Variants in SLIT3 observed in about 807,000 individuals in gnomAD.
SLIT3 encodes the protein slit homolog 3 protein.
In SLIT3, 68 loss-of-function variants were observed where a neutral mutation model predicts 184.0. That is an observed-to-expected ratio of 0.37 (90% CI 0.30 to 0.45). The LOEUF is 0.45. SLIT3 is among the 20% of genes least tolerant of loss of function. The pLI is 1.00. For synonymous variants in SLIT3, 831 were observed against 828.6 expected (o/e 1.00, Z -0.05); for missense variants, 1,707 against 2,026.0 (o/e 0.84, Z 3.02).
intron 6 of SLIT3, among the ~76,000 whole-genome samples, chr5:168,826,611 C>T (rs751263670): frequency 6.6e-6 from 1 of 152,198 alleles, no homozygotes; most frequent in Non-Finnish European, 1.5e-5. Context: ...AATCTCATTA[C>T]GTTTCCTCCT....
At chr5:168,852,022 T>G (rs575393855) in intron 5 of SLIT3, among the ~76,000 whole-genome samples, 1 of 152,200 alleles carries the variant, frequency 6.6e-6, no homozygotes, top group Non-Finnish European at 1.5e-5. Flanking sequence ...CGTTGGGAAT[T>G]AGAATTTCTT....
intron 5 of SLIT3, among the ~76,000 whole-genome samples, chr5:168,880,820 G>C (rs1020865432): frequency 1.3e-5 from 2 of 152,230 alleles, no homozygotes; most frequent in Admixed American, 1.3e-4. Flanking sequence ...GCCTAAAGCT[G>C]TCTGTTCCTT....
rs376621981 is a variant in SLIT3, at chr5:169,219,880, C to T, written c.341+24825G>A. 9.2e-5 allele frequency among the ~76,000 whole-genome samples: 14 copies of T among 152,264 alleles called. No individual in the cohort carries two copies. The South Asian group carries it at 2.7e-3, about 29-fold the overall frequency. ...GGCTTTTCCTTCATTGCTCTCAAAG[C>T]CTTTTGAGATCTCGAAAAGTCTCCA... is the stretch of plus-strand genomic sequence containing the variant. On this transcript the variant is annotated intron_variant, in intron 3 of 35. Coordinates refer to ENST00000519560, the MANE Select transcript of SLIT3 (RefSeq NM_003062.4).
chr5:168,857,245 C>T (rs1362847167), intron 5 of SLIT3, among the ~76,000 whole-genome samples: 1 of 152,156 alleles, frequency 6.6e-6, no homozygotes, highest in Non-Finnish European at 1.5e-5. Flanking sequence ...CTAATTCCTT[C>T]CCTGATTCCA....
intron 3 of SLIT3, among the ~76,000 whole-genome samples, chr5:169,204,809 A>G (rs937171843): frequency 6.6e-6 from 1 of 152,134 alleles, no homozygotes; most frequent in African/African-American, 2.4e-5. Flanking sequence ...GATGACTGAG[A>G]AGGAAAGGTG....
chr5:168,822,110 G>A (rs1315389119), intron 7 of SLIT3, among the ~76,000 whole-genome samples: 2 of 152,150 alleles, frequency 1.3e-5, no homozygotes, highest in African/African-American at 4.8e-5. Flanking sequence ...CAAGTTCTGG[G>A]TGATATTGAT....
intron 33 of SLIT3, among the ~76,000 whole-genome samples, chr5:168,672,071 C>G (rs1761269302): frequency 6.6e-6 from 1 of 152,186 alleles, no homozygotes; most frequent in Non-Finnish European, 1.5e-5. Context: ...ATTTGCTTTT[C>G]AATAATTTGT....
chr5:168,806,627 C>G, intron 8 of SLIT3, 40 bp from the exon 9 acceptor site: 1 of 1,610,466 alleles, frequency 6.2e-7, no homozygotes, highest in Non-Finnish European at 8.5e-7. Flanking sequence ...ATGTCAGTGT[C>G]AGGAGCTGCC....
At chr5:168,694,270 T>G (rs531355410) in intron 28 of SLIT3, among the ~76,000 whole-genome samples, 1 of 152,172 alleles carries the variant, frequency 6.6e-6, no homozygotes, top group Non-Finnish European at 1.5e-5. Flanking sequence ...AAGCCTTTGT[T>G]AGAGCCCCAC....
At position 169,084,454 on chromosome 5, in the gene SLIT3, ATTTTTTTTTTT is replaced by A. The variant is rs56062027; in HGVS notation, c.413+109014_413+109024del. Among the ~76,000 whole-genome samples, 6 of 101,410 alleles carry A rather than the reference ATTTTTTTTTTT, an allele frequency of 5.9e-5. No homozygotes were observed. The East Asian group carries it at 1.1e-3, about 18-fold the overall frequency. The allele number at this position is 101,410 out of a possible 152,430, so 66.5% of individuals were successfully genotyped here. A position where few individuals can be genotyped will look rare whatever the true frequency, so the allele number is the denominator to read the frequency against. On this transcript the variant is annotated intron_variant, in intron 4 of 35. Transcript: ENST00000519560. ...TACAGGCATGCGCCACCATGCCCAG[ATTTTTTTTTTT>A]TTTTTTTTTTTTTGTTTCTGGTATT...
At chr5:169,055,444 T>C (rs1284280216) in intron 4 of SLIT3, among the ~76,000 whole-genome samples, 1 of 152,154 alleles carries the variant, frequency 6.6e-6, no homozygotes, top group Non-Finnish European at 1.5e-5. Flanking sequence ...AGGCCAAGCT[T>C]GAGCAAAGGG....
intron 4 of SLIT3, among the ~76,000 whole-genome samples, chr5:168,921,467 T>C (rs568468143): frequency 2.3e-4 from 35 of 152,250 alleles, no homozygotes; most frequent in African/African-American, 8.2e-4. Context: ...TTAATTAAAA[T>C]AAAAGGGTGA....
intron 4 of SLIT3, among the ~76,000 whole-genome samples, chr5:169,176,676 A>G (rs1043461756): frequency 3.9e-5 from 6 of 152,240 alleles, no homozygotes; most frequent in African/African-American, 1.4e-4. Context: ...TCTCAGCCAC[A>G]ACTATGTAAC....
intron 5 of SLIT3, among the ~76,000 whole-genome samples, chr5:168,881,948 T>A (rs1284991147): frequency 6.6e-6 from 1 of 152,184 alleles, no homozygotes; most frequent in East Asian, 1.9e-4. Context: ...GCGGCCTCCT[T>A]GTCCCTGAGC....
At chr5:168,988,521 G>T (rs1430651126) in intron 4 of SLIT3, among the ~76,000 whole-genome samples, 1 of 152,142 alleles carries the variant, frequency 6.6e-6, no homozygotes, top group Non-Finnish European at 1.5e-5. Context: ...ACTTGGAGCT[G>T]CAGGGTATAG....
At chr5:168,939,272 A>G (rs1330027946) in intron 4 of SLIT3, among the ~76,000 whole-genome samples, 1 of 152,188 alleles carries the variant, frequency 6.6e-6, no homozygotes, top group Non-Finnish European at 1.5e-5. Flanking sequence ...TTACCAAAGG[A>G]AGCCAGCGTC....
chr5:169,180,537 C>T lies in SLIT3; in HGVS notation c.413+12942G>A, dbSNP rs149771596. ...AAATCCAGCCAGAAGGACTGCTGGT[C>T]CACGGTGATGGCAACAGAGACAAAA... On this transcript the variant is annotated intron_variant, in intron 4 of 35. Coordinates refer to ENST00000519560, the MANE Select transcript of SLIT3 (RefSeq NM_003062.4). Among the ~76,000 whole-genome samples the T allele has an allele frequency of 6.9e-4, 105 of 152,276 alleles. 1 individual carries two copies. The highest frequency in any genetic ancestry group is 2.5e-3 in the African/African-American group (102 of 41,560).
Position 168,711,047 on chromosome 5 carries a change from G to T in SLIT3, c.2567C>A (p.Thr856Asn). 4.4e-6 allele frequency: 7 copies of T among 1,582,742 alleles called. No individual in the cohort carries two copies. Among genetic ancestry groups the T allele is most frequent in the Non-Finnish European group, 6.0e-6 (7 of 1,163,228 alleles). ...ACTGCAGTCACAGTGGAGTGGGTTG[G>T]TTCCCAGCGCCCTAGGAGGCAGAAC... Reference protein sequence around the residue: ...LTSLSHLALGTNPLHCDCSLR... With the variant: ...LTSLSHLALGNNPLHCDCSLR... Residue 856 changes from threonine to asparagine, a missense_variant, in exon 25 of 36, where the codon ACC (threonine) becomes AAC (asparagine). Physicochemically the swap from Thr to Asn is moderately conservative, Grantham distance 65. This residue lies in a region of SLIT3 where 1,307 missense variants were observed against 1,511.6 expected (regional missense o/e 0.86). Transcript: ENST00000519560.
chr5:169,252,353 A>T (rs1765805667), intron 1 of SLIT3, among the ~76,000 whole-genome samples: 2 of 152,202 alleles, frequency 1.3e-5, no homozygotes, highest in Admixed American at 6.5e-5. Context: ...GCTCCTGAAT[A>T]TAGCCCCAAA....
Sources: gnomAD v4.1 joint callset for allele counts (sites outside exome capture counted in the v4.1 genomes callset) on GRCh38, gnomAD v4.1.1 for gene constraint, gnomAD v4.1.1 regional missense constraint, MANE v1.5 for transcripts, NCBI Gene and HGNC (gene_info 2026-07-23, HGNC 2026-07-21) for gene names.